The following ENO4 variants were observed in gnomAD, a reference collection of about 807,000 sequenced individuals.
ENO4 encodes the protein enolase 4, also known as 2-phospho-D-glycerate hydro-lyase.
ENO4 carries 53 observed loss-of-function variants against 63.2 expected under a neutral mutation model. The observed-to-expected ratio is 0.84, with a 90% CI of 0.67 to 1.05. The LOEUF (loss-of-function observed/expected upper bound fraction) is 1.05. Among genes scored for constraint, ENO4 ranks in the 50% least tolerant of loss-of-function variants. The pLI is 0.00. For synonymous variants in ENO4, 266 were observed against 283.8 expected (o/e 0.94, Z 0.63); for missense variants, 719 against 772.0 (o/e 0.93, Z 0.81).
At chr10:116,868,727 C>T (rs942916593) in intron 8 of ENO4, 21 bp downstream of exon 8, 1 of 1,539,784 alleles carries the variant, frequency 6.5e-7, no homozygotes, top group Non-Finnish European at 8.8e-7. Flanking sequence ...ATATTGTTTA[C>T]CATCCTTCCA....
At chr10:116,908,794 T>C (rs567864660) in intron 10 of ENO4, among the ~76,000 whole-genome samples, 1 of 152,340 alleles carries the variant, frequency 6.6e-6, no homozygotes, top group African/African-American at 2.4e-5. Context: ...CCTCAAATTC[T>C]TGACTGTAGT....
Position 116,849,685 on chromosome 10 carries a change from T to A in ENO4, c.119T>A (p.Leu40His). The A allele has an allele frequency of 6.5e-7, 1 of 1,548,468 alleles. No individual in the cohort carries two copies. Among genetic ancestry groups the A allele is most frequent in the Non-Finnish European group, 8.7e-7 (1 of 1,146,060 alleles). The part of the protein sequence containing the change: ...NDVPRRLEEL[L>H]NSTFYLQPAD... ...GTTCCGCGCAGGCTGGAAGAGCTGC[T>A]CAACTCCACCTTCTACCTCCAGCCT... Residue 40 changes from leucine (L) to histidine (H), a missense_variant, in exon 1 of 14, where the codon CTC becomes CAC. Physicochemically the swap from Leu to His is moderately conservative, Grantham distance 99. Around this residue, in one of 3 missense-constraint regions of ENO4, gnomAD observed 544 missense variants for 583.6 expected, o/e 0.93. Coordinates refer to ENST00000341276, the MANE Select transcript of ENO4 (RefSeq NM_001242699.2).
intron 8 of ENO4, among the ~76,000 whole-genome samples, chr10:116,870,901 A>G (rs1846674696): frequency 6.6e-6 from 1 of 151,890 alleles, no homozygotes; most frequent in Non-Finnish European, 1.5e-5. Flanking sequence ...AGAAAAGTGC[A>G]CTCCCAGGCC....
At chr10:116,889,628 G>A (rs1343171445) in intron 10 of ENO4, among the ~76,000 whole-genome samples, 1 of 152,198 alleles carries the variant, frequency 6.6e-6, no homozygotes, top group East Asian at 1.9e-4. Context: ...CAGCTCATCA[G>A]TGGCAGAGTC....
chr10:116,875,978 T>G, intron 10 of ENO4, 87 bp from the exon 11 acceptor site: 3 of 1,012,816 alleles, frequency 3.0e-6, no homozygotes, highest in African/African-American at 1.7e-5. Flanking sequence ...GAAAAATGTG[T>G]GAGCTTGAGT....
chr10:116,878,848 A>T (rs922167741), intron 11 of ENO4, among the ~76,000 whole-genome samples: 1 of 144,818 alleles, frequency 6.9e-6, no homozygotes, highest in Admixed American at 7.4e-5. Context: ...GGTTCACGCC[A>T]TTCTCCTGCC....
chr10:116,893,576 GCA>G (rs6144113), intron 10 of ENO4, among the ~76,000 whole-genome samples: 2 of 123,522 alleles, frequency 1.6e-5, no homozygotes, highest in Non-Finnish European at 3.3e-5. Flanking sequence ...GCACTCATGT[GCA>G]CACACACACA....
Position 116,881,598 on chromosome 10 carries a change from G to C in ENO4, c.1807G>C (p.Glu603Gln). 1.9e-6 allele frequency: 3 copies of C among 1,550,412 alleles called. No homozygotes were observed. The highest frequency in any genetic ancestry group is 2.6e-6 in the Non-Finnish European group (3 of 1,146,890). Residue 603 changes from glutamate to glutamine, a missense_variant, in exon 14 of 14, where the codon GAG becomes CAG. This residue lies in a region of ENO4 where 168 missense variants were observed against 163.3 expected (regional missense o/e 1.03). Coordinates refer to ENST00000341276, the MANE Select transcript of ENO4 (RefSeq NM_001242699.2). The stretch of plus-strand genomic sequence containing the variant: ...GGCACTTGAGGCTGCTGCGGCTAGG[G>C]AGCCGCTGGTGCCCACCTTCCCCAC... The part of the protein sequence containing the change: ...AEALEAAAAR[E>Q]PLVPTFPTQG...
At chr10:116,855,783 T>G in intron 2 of ENO4, 32 bp downstream of exon 2, 1 of 1,496,386 alleles carries the variant, frequency 6.7e-7, no homozygotes. Flanking sequence ...TTCTTTAATG[T>G]CCTGGCCCCA....
intron 11 of ENO4, among the ~76,000 whole-genome samples, 158 bp from the exon 12 acceptor site, chr10:116,879,133 G>C (rs1280298689): frequency 6.6e-6 from 1 of 152,074 alleles, no homozygotes; most frequent in South Asian, 2.1e-4. Context: ...AACAAAAGCA[G>C]GGCAATAAAA....
rs531314371 is a variant in ENO4, at chr10:116,891,443, G to C, written c.1194+11457G>C. 3.9e-4 allele frequency among the ~76,000 whole-genome samples: 60 copies of C among 152,264 alleles called. No homozygotes were observed. In the South Asian group the frequency reaches 6.2e-3, roughly 16 times the overall value. On this transcript the variant is annotated intron_variant, in intron 10 of 10. Coordinates refer to the ENO4 transcript ENST00000369207. ...CAAATGACGCACAGCCGGACGGTCT[G>C]AACTCTGTTTCATTTACAATAAAAA...
intron 10 of ENO4, chr10:116,901,561 G>A: frequency 1.0e-6 from 1 of 985,300 alleles, no homozygotes; most frequent in Non-Finnish European, 1.2e-6. Flanking sequence ...AATTCTCTTT[G>A]TACATGGTAC....
At chr10:116,856,457 AG>A in intron 2 of ENO4, 34 bp from the exon 3 acceptor site, 2 of 1,500,388 alleles carry the variant, frequency 1.3e-6, no homozygotes, top group South Asian at 1.2e-5. Flanking sequence ...TGGGAGAGGT[AG>A]GGAAAGTGTT....
intron 10 of ENO4, among the ~76,000 whole-genome samples, chr10:116,903,595 C>T (rs1470236996): frequency 2.0e-5 from 3 of 151,974 alleles, no homozygotes; most frequent in Non-Finnish European, 2.9e-5. Context: ...GTGGCAGTTA[C>T]GACAGAAGGG....
intron 10 of ENO4, among the ~76,000 whole-genome samples, chr10:116,906,130 C>T (rs534530879): frequency 2.0e-5 from 3 of 152,244 alleles, no homozygotes; most frequent in Non-Finnish European, 4.4e-5. Context: ...TTGTGCCATG[C>T]ACATTGCTAA....
intron 10 of ENO4, among the ~76,000 whole-genome samples, chr10:116,910,158 T>G (rs1346574534): frequency 6.6e-6 from 1 of 152,152 alleles, no homozygotes; most frequent in Non-Finnish European, 1.5e-5. Flanking sequence ...GAATTACAAA[T>G]AGTCCATCCT....
At chr10:116,893,575 T>TACACACACACACACACACACACAC (rs1564861763) in intron 10 of ENO4, among the ~76,000 whole-genome samples, 1 of 740 alleles carries the variant, frequency 1.4e-3, no homozygotes, top group Non-Finnish European at 3.2e-3. Flanking sequence ...GGCACTCATG[T>TACACACACACACACACACACACAC]GCACACACAC....
At chr10:116,901,976 C>G (rs1045346159) in intron 10 of ENO4, 13 of 1,561,994 alleles carry the variant, frequency 8.3e-6, no homozygotes, top group Non-Finnish European at 1.1e-5. Context: ...CAAACACATA[C>G]CTCAAGTTTA....
In ENO4 at chr10:116,849,768, C is replaced by T. The variant is rs1206695662; in HGVS notation, c.165+37C>T. 3.4e-6 allele frequency: 5 copies of T among 1,473,054 alleles called. No homozygotes were observed. In the African/African-American group the frequency reaches 5.7e-5, roughly 17 times the overall value. The allele number at this position is 1,473,054 out of a possible 1,614,324, so 91.2% of individuals were successfully genotyped here. On this transcript the variant is annotated intron_variant, in intron 1 of 13. Coordinates refer to ENST00000341276, the MANE Select transcript of ENO4 (RefSeq NM_001242699.2). Reference sequence around the variant, plus strand: ...GGACAAGCGCTCTCCTCCCGCCAACCCCTCTCCCCCCGCCCCGCGCTGCGG... The same window carrying T: ...GGACAAGCGCTCTCCTCCCGCCAACTCCTCTCCCCCCGCCCCGCGCTGCGG...
Sources: allele counts gnomAD v4.1 joint callset (sites outside exome capture counted in the v4.1 genomes callset), GRCh38; gene constraint gnomAD v4.1.1; regional missense constraint gnomAD v4.1.1; transcripts MANE v1.5; gene names NCBI Gene and HGNC (gene_info 2026-07-23, HGNC 2026-07-21).